The following HPSE2 variants were observed in gnomAD, a reference collection of about 807,000 sequenced individuals.
HPSE2 encodes the protein inactive heparanase-2.
Under a neutral mutation model 60.5 loss-of-function variants are expected in HPSE2, and 38 were observed. The observed-to-expected ratio is 0.63, with a 90% CI of 0.48 to 0.82. The LOEUF (loss-of-function observed/expected upper bound fraction) is 0.82. Ranked by LOEUF, HPSE2 falls within the 40% of genes least tolerant of loss-of-function variation. HPSE2 has a pLI of 0.00. For synonymous variants in HPSE2, 295 were observed against 293.2 expected (o/e 1.01, Z -0.06); for missense variants, 713 against 740.4 (o/e 0.96, Z 0.43).
At chr10:99,056,546 G>C (rs1958118245) in intron 3 of HPSE2, among the ~76,000 whole-genome samples, 1 of 152,128 alleles carries the variant, frequency 6.6e-6, no homozygotes, top group Non-Finnish European at 1.5e-5. Context: ...CTAAGTTCTG[G>C]GAAGGGTGGT....
chr10:98,992,873 T>C (rs1250486052), intron 3 of HPSE2, among the ~76,000 whole-genome samples: 1 of 152,208 alleles, frequency 6.6e-6, no homozygotes, highest in Non-Finnish European at 1.5e-5. Flanking sequence ...TATAATTCTT[T>C]GCAGCTGTTT....
intron 5 of HPSE2, among the ~76,000 whole-genome samples, chr10:98,719,463 T>G (rs371288244): frequency 2.6e-5 from 4 of 151,882 alleles, no homozygotes; most frequent in African/African-American, 9.7e-5. Context: ...GAGGAGAGGC[T>G]GGTATTCTTA....
chr10:98,767,009 C>G (rs889664866), intron 3 of HPSE2, among the ~76,000 whole-genome samples: 1 of 152,134 alleles, frequency 6.6e-6, no homozygotes, highest in African/African-American at 2.4e-5. Flanking sequence ...AGAAACAGCA[C>G]ATGATAATTT....
At chr10:98,923,197 C>G (rs1954335171) in intron 3 of HPSE2, among the ~76,000 whole-genome samples, 1 of 152,244 alleles carries the variant, frequency 6.6e-6, no homozygotes, top group Admixed American at 6.5e-5. Flanking sequence ...TTTATTCTTT[C>G]AGCACTTTAA....
the HPSE2 span, among the ~76,000 whole-genome samples, chr10:99,263,731 CAA>C: frequency 6.9e-6 from 1 of 144,658 alleles, no homozygotes. Flanking sequence ...GTTCTTAGAC[CAA>C]AAAAAAAAAA....
At chr10:99,163,655 T>C (rs1846938308) in intron 2 of HPSE2, among the ~76,000 whole-genome samples, 1 of 152,214 alleles carries the variant, frequency 6.6e-6, no homozygotes, top group Non-Finnish European at 1.5e-5. Context: ...CCAGTTTTTC[T>C]ACTAGAACTA....
chr10:99,098,742 T>C (rs1843815761), intron 3 of HPSE2, among the ~76,000 whole-genome samples: 1 of 152,192 alleles, frequency 6.6e-6, no homozygotes, highest in Admixed American at 6.5e-5. Flanking sequence ...GCTTCACTTA[T>C]GATAATTATT....
chr10:98,777,116 C>T (rs933046830), intron 3 of HPSE2, among the ~76,000 whole-genome samples: 4 of 152,156 alleles, frequency 2.6e-5, no homozygotes, highest in Non-Finnish European at 5.9e-5. Context: ...CTAAACTTTT[C>T]TTCCAGTAGA....
At chr10:99,205,338 C>T (rs947142930) in intron 2 of HPSE2, among the ~76,000 whole-genome samples, 6 of 152,166 alleles carry the variant, frequency 3.9e-5, no homozygotes, top group African/African-American at 1.4e-4. Flanking sequence ...CCTATAATCC[C>T]AGCACTTTGG....
chr10:98,507,394 C>T (rs1044484036), intron 9 of HPSE2, among the ~76,000 whole-genome samples: 5 of 152,112 alleles, frequency 3.3e-5, no homozygotes, highest in East Asian at 1.9e-4. Flanking sequence ...AGGAAGACGA[C>T]GTTATTGACC....
At chr10:99,210,787 A>G (rs764681607) in intron 2 of HPSE2, among the ~76,000 whole-genome samples, 2 of 152,208 alleles carry the variant, frequency 1.3e-5, no homozygotes, top group Non-Finnish European at 2.9e-5. Context: ...AATAAAGGCC[A>G]TGTATGACAA....
intron 9 of HPSE2, among the ~76,000 whole-genome samples, chr10:98,569,004 T>A (rs544000273): frequency 6.6e-6 from 1 of 152,260 alleles, no homozygotes; most frequent in East Asian, 1.9e-4. Context: ...TCATACACTT[T>A]AAAAGTGTAA....
chr10:98,595,164 A>ATTTT (rs34509249), intron 9 of HPSE2, among the ~76,000 whole-genome samples: 29 of 91,692 alleles, frequency 3.2e-4, no homozygotes, highest in African/African-American at 9.2e-4. Context: ...TATAAATGAG[A>ATTTT]TTTTTTTTTT....
chr10:99,246,522 G>A, the HPSE2 span, among the ~76,000 whole-genome samples: 25 of 152,190 alleles, frequency 1.6e-4, no homozygotes, highest in Non-Finnish European at 1.2e-4. Context: ...CAAGGCAAGC[G>A]GGTCACCTGA....
rs181850246 is a variant in HPSE2, at chr10:98,839,327, A to G, written c.611-95271T>C. Among the ~76,000 whole-genome samples the G allele has an allele frequency of 2.1e-3, 319 of 152,300 alleles. 5 individuals carry two copies. The highest frequency in any genetic ancestry group is 6.2e-4 in the South Asian group (3 of 4,828). On this transcript the variant is annotated intron_variant, in intron 3 of 11. Coordinates refer to ENST00000370552, the MANE Select transcript of HPSE2 (RefSeq NM_021828.5). ...GAACTCCTATCAGATTCAAACCCTTACCGAAGCCTCCCCAATACTCTGTTT... is the reference window on the plus strand; with the variant it reads ...GAACTCCTATCAGATTCAAACCCTTGCCGAAGCCTCCCCAATACTCTGTTT...
intron 2 of HPSE2, among the ~76,000 whole-genome samples, chr10:99,160,895 T>C (rs1846808437): frequency 2.2e-5 from 1 of 46,208 alleles, no homozygotes; most frequent in African/African-American, 4.7e-5. Flanking sequence ...CGAGACTCCG[T>C]CTCAAAAAAA....
At chr10:99,257,567 T>C in the HPSE2 span, among the ~76,000 whole-genome samples, 2 of 152,160 alleles carry the variant, frequency 1.3e-5, no homozygotes, top group Non-Finnish European at 2.9e-5. Flanking sequence ...GTCAGACCGG[T>C]TGTCTGCTCT....
chr10:99,053,570 AC>A (rs1318590552), intron 3 of HPSE2, among the ~76,000 whole-genome samples: 1 of 152,080 alleles, frequency 6.6e-6, no homozygotes, highest in East Asian at 1.9e-4. Flanking sequence ...GCAACTATAA[AC>A]TTGAACAAAA....
chr10:98,904,575 T>A (rs1298919845), intron 3 of HPSE2, among the ~76,000 whole-genome samples: 1 of 152,228 alleles, frequency 6.6e-6, no homozygotes, highest in East Asian at 1.9e-4. Context: ...AAAGTTCTAC[T>A]ATGGTTCCAG....
Sources: gnomAD v4.1 joint callset for allele counts (sites outside exome capture counted in the v4.1 genomes callset) on GRCh38, gnomAD v4.1.1 for gene constraint, MANE v1.5 for transcripts, NCBI Gene and HGNC (gene_info 2026-07-23, HGNC 2026-07-21) for gene names.